The following RELL1 variants were observed in gnomAD, a reference collection of about 807,000 sequenced individuals.
The protein encoded by RELL1 is RELT-like protein 1.
In RELL1, 10 loss-of-function variants were observed where a neutral mutation model predicts 23.0. The ratio of observed to expected loss-of-function variants is 0.43; its 90% confidence interval spans 0.27 to 0.74. The LOEUF (loss-of-function observed/expected upper bound fraction) is 0.74. RELL1 is among the 30% of genes least tolerant of loss of function. The pLI, the probability that RELL1 is intolerant of heterozygous loss-of-function variation, is 0.19. For synonymous variants in RELL1, 146 were observed against 146.8 expected, an observed-to-expected ratio of 0.99 and a Z score of 0.04; for missense variants, 315 against 364.4, an observed-to-expected ratio of 0.86 and a Z score of 1.10.
At chr4:37,656,719 G>A (rs887533643) in intron 1 of RELL1, among the ~76,000 whole-genome samples, 1 of 152,196 alleles carries the variant, frequency 6.6e-6, no homozygotes, top group Non-Finnish European at 1.5e-5. Flanking sequence ...ATGGGAGGGG[G>A]TTAGTTATTG....
chr4:37,604,840 G>GACACACACACAGAC (rs1719127044), intron 6 of RELL1, among the ~76,000 whole-genome samples: 5 of 37,840 alleles, frequency 1.3e-4, no homozygotes, highest in Admixed American at 2.2e-4. Flanking sequence ...CATACACACA[G>GACACACACACAGAC]ACACACACAC....
downstream of RELL1, chr4:37,588,756 T>A: frequency 1.1e-6 from 1 of 916,746 alleles, no homozygotes; most frequent in Non-Finnish European, 1.8e-6. Flanking sequence ...CTTAATACAT[T>A]TTGAGTCTCT....
intron 3 of RELL1, among the ~76,000 whole-genome samples, chr4:37,643,138 T>G (rs1353147171): frequency 1.3e-5 from 2 of 152,246 alleles, no homozygotes; most frequent in Non-Finnish European, 2.9e-5. Flanking sequence ...TTTTGGGATC[T>G]GACGCTAACT....
chr4:37,635,067 G>A lies in RELL1; in HGVS notation c.500C>T (p.Pro167Leu). 6.2e-7 allele frequency: 1 copy of A among 1,614,148 alleles called. No individual in the cohort carries two copies. The highest frequency in any genetic ancestry group is 8.5e-7 in the Non-Finnish European group (1 of 1,180,028). The change falls in exon 5 of 7, where the codon CCA (proline) becomes CTA (leucine). Residue 167 changes from proline to leucine, a missense_variant. Transcript: ENST00000454158. ...SPPVSPGPLS[P>L]GGTPGKHVCG... Reference sequence around the variant, plus strand: ...GACGTGCTTCCCTGGCGTCCCCCCTGGTGACAAAGGCCCAGGACTCACTGG... The same window carrying A: ...GACGTGCTTCCCTGGCGTCCCCCCTAGTGACAAAGGCCCAGGACTCACTGG...
At chr4:37,655,242 AATAT>A (rs34057942) in intron 1 of RELL1, among the ~76,000 whole-genome samples, 2 of 150,068 alleles carry the variant, frequency 1.3e-5, no homozygotes, top group Non-Finnish European at 1.5e-5. Context: ...TGTGATGGGA[AATAT>A]ATATATATAT....
At chr4:37,653,980 C>A (rs1721037927) in intron 1 of RELL1, among the ~76,000 whole-genome samples, 1 of 152,166 alleles carries the variant, frequency 6.6e-6, no homozygotes, top group East Asian at 1.9e-4. Context: ...AATCCTTAAA[C>A]AAAAGAAATG....
At chr4:37,648,062 A>C (rs943921601) in intron 2 of RELL1, among the ~76,000 whole-genome samples, 2 of 152,224 alleles carry the variant, frequency 1.3e-5, no homozygotes, top group African/African-American at 4.8e-5. Context: ...AAGAACGAGG[A>C]AGGGTTGAAA....
chr4:37,636,594 CAAAA>C (rs11318273), intron 4 of RELL1, among the ~76,000 whole-genome samples: 3 of 86,794 alleles, frequency 3.5e-5, no homozygotes. Context: ...GACTCTGTCT[CAAAA>C]AAAAAAAAAA....
At chr4:37,606,516 G>A (rs1719225902), downstream of RELL1, among the ~76,000 whole-genome samples, 1 of 152,230 alleles carries the variant, frequency 6.6e-6, no homozygotes, top group African/African-American at 2.4e-5. This position sits in a 1 kb window ranked among gnomAD's most constrained non-coding sequence, Gnocchi z 4.1. Flanking sequence ...TACTGGATTA[G>A]GGTGGACCCT....
At chr4:37,597,230 A>T (rs1490109280) in intron 6 of RELL1, among the ~76,000 whole-genome samples, 1 of 152,168 alleles carries the variant, frequency 6.6e-6, no homozygotes, top group Admixed American at 6.5e-5. Flanking sequence ...AGCATTTTGG[A>T]ATAGTTAATA....
chr4:37,652,338 T>A (rs1056181563), intron 1 of RELL1, among the ~76,000 whole-genome samples: 9 of 152,206 alleles, frequency 5.9e-5, no homozygotes, highest in African/African-American at 2.2e-4. Context: ...GATTTCTCCC[T>A]GAAGAATCAA....
downstream of RELL1, among the ~76,000 whole-genome samples, chr4:37,589,368 AT>A (rs1718478968): frequency 6.6e-6 from 1 of 152,238 alleles, no homozygotes; most frequent in Non-Finnish European, 1.5e-5. Context: ...AATAAGCTGT[AT>A]TCCACTGTAA....
chr4:37,586,604 T>C (rs1380259432), downstream of RELL1, among the ~76,000 whole-genome samples: 1 of 152,126 alleles, frequency 6.6e-6, no homozygotes, highest in African/African-American at 2.4e-5. Context: ...TACTACGAAC[T>C]TAGAGGTTTA....
At chr4:37,603,722 A>G (rs371887519) in intron 6 of RELL1, among the ~76,000 whole-genome samples, 71 of 152,288 alleles carry the variant, frequency 4.7e-4, no homozygotes, top group African/African-American at 1.5e-3. Context: ...GGTGGAGACT[A>G]TATTTCCTGC....
At chr4:37,634,789 G>T in intron 5 of RELL1, 98 bp downstream of exon 5, 1 of 1,033,896 alleles carries the variant, frequency 9.7e-7, no homozygotes, top group Non-Finnish European at 1.5e-6. Flanking sequence ...CCTGAGACAG[G>T]CACAGAGAAC....
downstream of RELL1, among the ~76,000 whole-genome samples, chr4:37,606,191 G>GAA (rs1253650758): frequency 8.7e-6 from 1 of 114,530 alleles, no homozygotes; most frequent in East Asian, 3.7e-4. This position sits in a 1 kb window ranked among gnomAD's most constrained non-coding sequence, Gnocchi z 4.1. Context: ...AAGAAAGAAA[G>GAA]AGAAAGAAGA....
At chr4:37,674,880 C>A (rs1219313808) in intron 1 of RELL1, among the ~76,000 whole-genome samples, 1 of 152,180 alleles carries the variant, frequency 6.6e-6, no homozygotes, top group Admixed American at 6.5e-5. Flanking sequence ...TAGTTTTTAA[C>A]CCTACCTGTC....
chr4:37,612,003 G>A lies in RELL1; in HGVS notation c.*1343C>T, dbSNP rs149876857. 3.3e-5 allele frequency among the ~76,000 whole-genome samples: 5 copies of A among 151,332 alleles called. No individual in the cohort carries two copies. The highest frequency in any genetic ancestry group is 2.0e-4 in the East Asian group (1 of 5,096). On this transcript the variant is annotated 3_prime_UTR_variant, in exon 7 of 7. Transcript: ENST00000454158. The stretch of plus-strand genomic sequence containing the variant: ...ATCTTCGCTAATGCGGTGAAACCCC[G>A]TCTCTCCTAAAAATACAAAAAAAAT...
Position 37,611,379 on chromosome 4 carries a change from AGT to A in RELL1, c.*1965_*1966del, listed in dbSNP as rs145838944. 6.3e-3 allele frequency among the ~76,000 whole-genome samples: 967 copies of A among 152,302 alleles called. 7 individuals carry two copies. Among genetic ancestry groups the A allele is most frequent in the African/African-American group, 0.022 (910 of 41,558 alleles). On this transcript the variant is annotated 3_prime_UTR_variant, in exon 7 of 7. Coordinates refer to ENST00000454158, the MANE Select transcript of RELL1 (RefSeq NM_001085400.2). ...AGTGTATATGAATATGTACACATAC[AGT>A]GTTTATTAGTTGTCAGTAAAAATTC...
Sources: allele counts gnomAD v4.1 joint callset (sites outside exome capture counted in the v4.1 genomes callset), GRCh38; gene constraint gnomAD v4.1.1; non-coding constraint Gnocchi (gnomAD v3.1); transcripts MANE v1.5; gene names NCBI Gene and HGNC (gene_info 2026-07-23, HGNC 2026-07-21).